DOCK1: variants seen among roughly 807,000 people sequenced by gnomAD.
DOCK1 encodes dedicator of cytokinesis protein 1.
A neutral mutation model predicts 262.7 loss-of-function variants in DOCK1; 138 were observed. The ratio of observed to expected loss-of-function variants is 0.53; its 90% CI spans 0.46 to 0.61. The LOEUF is 0.61. DOCK1 is among the 20% of genes least tolerant of loss of function. DOCK1 has a pLI of 0.00. For missense variants in DOCK1, 1,908 were observed against 2,370.7 expected, an observed-to-expected ratio of 0.80 and a Z score of 4.05; for synonymous variants, 866 against 867.4, an observed-to-expected ratio of 1.00 and a Z score of 0.03.
At chr10:127,247,151 C>G (rs2059457333) in intron 27 of DOCK1, among the ~76,000 whole-genome samples, 2 of 152,214 alleles carry the variant, frequency 1.3e-5, no homozygotes, top group Admixed American at 1.3e-4. Context: ...ACACCCACGT[C>G]CACACACATA....
rs141996421 is a variant in DOCK1 at position 127,176,705 on chromosome 10, A to G, written c.2847+48941A>G. Among the ~76,000 whole-genome samples the G allele has an allele frequency of 1.2e-4, 19 of 152,296 alleles. No individual in the cohort carries two copies. In the East Asian group the frequency reaches 3.5e-3, roughly 28 times the overall value. On this transcript the variant is annotated intron_variant, in intron 27 of 51. Transcript: ENST00000623213. This position sits in a 1 kb window ranked among gnomAD's most constrained non-coding sequence, Gnocchi z 4.4. Reference sequence around the variant, plus strand: ...TTTACTACATTCATCAAGAAACCCAATGATGCTGCCTCTTCTGCTTTGCAA... The same window carrying G: ...TTTACTACATTCATCAAGAAACCCAGTGATGCTGCCTCTTCTGCTTTGCAA...
At chr10:127,063,454 C>A (rs1222737019) in intron 23 of DOCK1, among the ~76,000 whole-genome samples, 1 of 152,012 alleles carries the variant, frequency 6.6e-6, no homozygotes, top group African/African-American at 2.4e-5. Context: ...CATTTGGACT[C>A]TTCACTACGA....
At chr10:127,277,325 T>C (rs1236380060) in intron 29 of DOCK1, among the ~76,000 whole-genome samples, 3 of 152,236 alleles carry the variant, frequency 2.0e-5, no homozygotes, top group African/African-American at 7.2e-5. Context: ...TGACTTCCAA[T>C]AGATAAATAG....
At chr10:127,286,176 G>T (rs2061146893) in intron 29 of DOCK1, among the ~76,000 whole-genome samples, 1 of 151,688 alleles carries the variant, frequency 6.6e-6, no homozygotes, top group Non-Finnish European at 1.5e-5. Flanking sequence ...TCCATCTGTG[G>T]TCATTTTTTT....
chr10:127,351,156 C>T (rs780033439), intron 31 of DOCK1, among the ~76,000 whole-genome samples: 11 of 152,142 alleles, frequency 7.2e-5, no homozygotes, highest in Admixed American at 3.9e-4. Context: ...GATTTTATGT[C>T]CGGGTTACAG....
chr10:127,222,840 C>A (rs2058491715), intron 27 of DOCK1, among the ~76,000 whole-genome samples: 1 of 94,940 alleles, frequency 1.1e-5, no homozygotes, highest in African/African-American at 3.2e-5. Context: ...TAATTTTTTT[C>A]TTTCTTAAAA....
intron 10 of DOCK1, among the ~76,000 whole-genome samples, chr10:127,003,092 G>T (rs1376476738): frequency 7.2e-6 from 1 of 139,146 alleles, no homozygotes; most frequent in Non-Finnish European, 1.7e-5. Context: ...ATGAACCTGT[G>T]TGAACCTGTG....
intron 33 of DOCK1, among the ~76,000 whole-genome samples, chr10:127,370,371 G>A (rs1204339413): frequency 1.3e-5 from 2 of 152,166 alleles, no homozygotes; most frequent in African/African-American, 4.8e-5. Context: ...GCGGTGAGTG[G>A]TCTGTGCAAA....
rs1190128879 is a variant in DOCK1, at chr10:127,100,928, G to A, written c.2446-5303G>A. On this transcript the variant is annotated intron_variant, in intron 23 of 51. Transcript: ENST00000623213. This position sits in a 1 kb window ranked among gnomAD's most constrained non-coding sequence, Gnocchi z 5.5. ...TTGTCCGATGGAGCAGAGGCTCGCA[G>A]GGCCTGGGGCTGCTTTTCCGGGTGA... 6.6e-6 allele frequency among the ~76,000 whole-genome samples: 1 copy of A among 152,110 alleles called. No individual in the cohort carries two copies. Among genetic ancestry groups the A allele is most frequent in the African/African-American group, 2.4e-5 (1 of 41,432 alleles).
chr10:127,019,251 C>T (rs1327578911), intron 13 of DOCK1, among the ~76,000 whole-genome samples: 2 of 152,190 alleles, frequency 1.3e-5, no homozygotes, highest in African/African-American at 4.8e-5. Context: ...GTTATACTGG[C>T]ATTCCTCCAT....
intron 27 of DOCK1, among the ~76,000 whole-genome samples, chr10:127,223,462 G>A (rs548381417): frequency 2.0e-5 from 3 of 152,166 alleles, no homozygotes; most frequent in Non-Finnish European, 4.4e-5. Flanking sequence ...TGGAAAATTC[G>A]AAATCGGAAA....
chr10:126,912,651 G>A (rs565882991), intron 1 of DOCK1, among the ~76,000 whole-genome samples: 10 of 150,720 alleles, frequency 6.6e-5, no homozygotes, highest in East Asian at 2.0e-4. Flanking sequence ...GCGTGAACCC[G>A]GGAGGCGGAG....
intron 33 of DOCK1, among the ~76,000 whole-genome samples, chr10:127,366,910 A>T (rs1565031237): frequency 1.3e-5 from 2 of 151,984 alleles, no homozygotes; most frequent in East Asian, 3.9e-4. Context: ...TATTAGGGGG[A>T]TTTGTTTTTA....
chr10:127,214,261 G>C (rs2058106682), intron 27 of DOCK1, among the ~76,000 whole-genome samples: 1 of 152,122 alleles, frequency 6.6e-6, no homozygotes, highest in Admixed American at 6.5e-5. Context: ...CAGTCCCTGA[G>C]TAGCTCCCCC....
intron 1 of DOCK1, among the ~76,000 whole-genome samples, chr10:126,940,347 G>C (rs1047411192): frequency 4.9e-4 from 74 of 152,290 alleles, no homozygotes; most frequent in Middle Eastern, 6.8e-3. Context: ...TTCAAACCAG[G>C]TGGTTTTCCA....
At chr10:127,333,557 G>A (rs1235458086) in intron 29 of DOCK1, among the ~76,000 whole-genome samples, 1 of 152,226 alleles carries the variant, frequency 6.6e-6, no homozygotes, top group Non-Finnish European at 1.5e-5. Context: ...CTGGCACATG[G>A]CTTTCCAAAT....
intron 1 of DOCK1, among the ~76,000 whole-genome samples, chr10:126,966,566 C>T (rs2037694839): frequency 6.6e-6 from 1 of 152,042 alleles, no homozygotes; most frequent in Non-Finnish European, 1.5e-5. Context: ...TTTTTGTCTT[C>T]TTGATACTAA....
intron 27 of DOCK1, among the ~76,000 whole-genome samples, chr10:127,157,395 G>A (rs1372353882): frequency 6.6e-6 from 1 of 152,262 alleles, no homozygotes. Flanking sequence ...TGTATAAAAT[G>A]AGAGGCCCTT....
At chr10:127,420,131 C>T (rs531970242) in intron 46 of DOCK1, among the ~76,000 whole-genome samples, 2 of 152,352 alleles carry the variant, frequency 1.3e-5, no homozygotes, top group South Asian at 2.1e-4. Flanking sequence ...CCCTGTGAAA[C>T]GCATGTACGT....
Sources: allele counts gnomAD v4.1 joint callset (sites outside exome capture counted in the v4.1 genomes callset), GRCh38; gene constraint gnomAD v4.1.1; non-coding constraint Gnocchi (gnomAD v3.1); transcripts MANE v1.5; gene names NCBI Gene and HGNC (gene_info 2026-07-23, HGNC 2026-07-21).